Variants in ASAH2 observed in about 807,000 individuals in gnomAD.
ASAH2 encodes N-acylsphingosine amidohydrolase 2.
In ASAH2, 58 loss-of-function variants were observed where a neutral mutation model predicts 82.9. That is an observed-to-expected ratio of 0.70 (90% CI 0.57 to 0.87). The LOEUF (loss-of-function observed/expected upper bound fraction) is 0.87. Ranked by LOEUF, ASAH2 falls within the 40% of genes least tolerant of loss-of-function variation. ASAH2 has a pLI of 0.00. For synonymous variants in ASAH2, 276 were observed against 289.7 expected (o/e 0.95, Z 0.48); for missense variants, 779 against 834.0 (o/e 0.93, Z 0.81).
At chr10:50,230,824 T>G (rs907206833) in intron 7 of ASAH2, among the ~76,000 whole-genome samples, 2 of 152,062 alleles carry the variant, frequency 1.3e-5, no homozygotes, top group African/African-American at 4.8e-5. Context: ...GAGGATCACT[T>G]GAGACCAGGA....
chr10:50,207,975 G>T (rs1161006220), intron 12 of ASAH2, among the ~76,000 whole-genome samples: 2 of 151,766 alleles, frequency 1.3e-5, no homozygotes, highest in African/African-American at 4.8e-5. Context: ...ATGACCAACT[G>T]GGATTTATTC....
chr10:50,201,091 G>A (rs1475955785), intron 16 of ASAH2, among the ~76,000 whole-genome samples: 1 of 151,972 alleles, frequency 6.6e-6, no homozygotes, highest in African/African-American at 2.4e-5. Flanking sequence ...AGAGGAGTTC[G>A]GCTGTGGATG....
At chr10:50,213,746 C>T (rs1416434461) in intron 9 of ASAH2, among the ~76,000 whole-genome samples, 1 of 152,022 alleles carries the variant, frequency 6.6e-6, no homozygotes, top group Non-Finnish European at 1.5e-5. Flanking sequence ...AACTGATAAA[C>T]TTTAGGAAAA....
chr10:50,232,284 A>G (rs1289256482), intron 7 of ASAH2, among the ~76,000 whole-genome samples: 1 of 152,128 alleles, frequency 6.6e-6, no homozygotes, highest in Non-Finnish European at 1.5e-5. Context: ...ATTATTATCA[A>G]CATTTTAAAT....
chr10:50,210,574 A>T (rs1399130325), intron 12 of ASAH2, among the ~76,000 whole-genome samples: 2 of 152,148 alleles, frequency 1.3e-5, no homozygotes, highest in Non-Finnish European at 1.5e-5. Context: ...CCAACAAAAA[A>T]TGCCACATAT....
At chr10:50,225,243 C>T (rs1230711071) in intron 7 of ASAH2, among the ~76,000 whole-genome samples, 3 of 152,008 alleles carry the variant, frequency 2.0e-5, no homozygotes, top group African/African-American at 7.3e-5. Flanking sequence ...TGGCAAAACC[C>T]CATCTCTACT....
At chr10:50,244,376 C>A (rs1016517980) in intron 3 of ASAH2, among the ~76,000 whole-genome samples, 1 of 152,218 alleles carries the variant, frequency 6.6e-6, no homozygotes, top group African/African-American at 2.4e-5. Context: ...AAACTACACC[C>A]AGGTCTTTAG....
intron 10 of ASAH2, among the ~76,000 whole-genome samples, chr10:50,211,942 A>G (rs1845463629): frequency 1.3e-5 from 2 of 152,092 alleles, no homozygotes; most frequent in Admixed American, 1.3e-4. Flanking sequence ...AATCTCTATG[A>G]CTCTCCGGCT....
intron 1 of ASAH2, among the ~76,000 whole-genome samples, chr10:50,249,841 C>G (rs1215437995): frequency 6.6e-6 from 1 of 152,040 alleles, no homozygotes; most frequent in Non-Finnish European, 1.5e-5. Context: ...TTTTCTTAAC[C>G]TGTGCTTTAG....
chr10:50,223,348 C>T (rs2133216632), intron 7 of ASAH2, among the ~76,000 whole-genome samples: 1 of 152,204 alleles, frequency 6.6e-6, no homozygotes, highest in Admixed American at 6.5e-5. Flanking sequence ...AGTGTGCAAG[C>T]TGTGCCCTGT....
At chr10:50,250,011 A>G (rs1327084188) in intron 1 of ASAH2, among the ~76,000 whole-genome samples, 1 of 152,212 alleles carries the variant, frequency 6.6e-6, no homozygotes, top group East Asian at 1.9e-4. Context: ...AGGTAACAAG[A>G]TATAAAAAAA....
intron 7 of ASAH2, among the ~76,000 whole-genome samples, chr10:50,221,555 G>C (rs892592648): frequency 6.6e-6 from 1 of 151,942 alleles, no homozygotes; most frequent in Non-Finnish European, 1.5e-5. Flanking sequence ...AGAAAACTAA[G>C]TCCCAGAGTG....
chr10:50,201,571 G>T (rs1442563955), intron 16 of ASAH2, among the ~76,000 whole-genome samples: 3 of 152,056 alleles, frequency 2.0e-5, no homozygotes, highest in Non-Finnish European at 2.9e-5. Flanking sequence ...TACTGCAGGG[G>T]GGTTCAGGGA....
At chr10:50,219,495 A>G (rs1383424923) in intron 7 of ASAH2, among the ~76,000 whole-genome samples, 1 of 152,222 alleles carries the variant, frequency 6.6e-6, no homozygotes, top group Non-Finnish European at 1.5e-5. Context: ...AAGGATATTT[A>G]CAGAGTGGAA....
At chr10:50,199,205 G>A (rs1845076529) in intron 16 of ASAH2, 59 bp from the exon 17 acceptor site, 1 of 1,582,948 alleles carries the variant, frequency 6.3e-7, no homozygotes, top group African/African-American at 1.3e-5. Context: ...CATTTACAGA[G>A]GTGTAGCATT....
chr10:50,205,283 A>C (rs1845265498), intron 13 of ASAH2, among the ~76,000 whole-genome samples: 1 of 151,962 alleles, frequency 6.6e-6, no homozygotes, highest in Non-Finnish European at 1.5e-5. Flanking sequence ...TAACTTAATA[A>C]TTTCTCTTTT....
intron 1 of ASAH2, among the ~76,000 whole-genome samples, chr10:50,251,040 AT>A (rs1846600358): frequency 6.6e-6 from 1 of 152,336 alleles, no homozygotes; most frequent in African/African-American, 2.4e-5. Context: ...CTGAATTTGA[AT>A]GTTAAAGCAG....
rs933801660 is a variant in ASAH2, at chr10:50,233,201, A to G, written c.876T>C (p.Asp292=). Residue 292 remains aspartate (D), a synonymous_variant, in exon 7 of 21, where the codon GAT becomes GAC. Coordinates refer to ENST00000682911, the MANE Select transcript of ASAH2 (RefSeq NM_019893.4). ...IVLKMVDLNG[D]DLGLISWFAI... ...TACAGTACCTGATAAGGCCCAAGTC[A>G]TCTCCATTCAAATCTACCATTTTCA... is the stretch of plus-strand genomic sequence containing the variant. 3 of 1,610,906 alleles carry G rather than the reference A, an allele frequency of 1.9e-6. No homozygotes were observed. Among genetic ancestry groups the G allele is most frequent in the Non-Finnish European group, 2.5e-6 (3 of 1,177,404 alleles).
intron 2 of ASAH2, among the ~76,000 whole-genome samples, chr10:50,247,159 CTT>C (rs906188114): frequency 6.9e-6 from 1 of 144,328 alleles, no homozygotes; most frequent in Non-Finnish European, 1.5e-5. Context: ...AATTATTTTT[CTT>C]TTTTTTTTTT....
Sources: gnomAD v4.1 joint callset for allele counts (sites outside exome capture counted in the v4.1 genomes callset) on GRCh38, gnomAD v4.1.1 for gene constraint, MANE v1.5 for transcripts, NCBI Gene and HGNC (gene_info 2026-07-23, HGNC 2026-07-21) for gene names.